The following CSF2RB variants were observed in gnomAD, a reference collection of about 807,000 sequenced individuals.
The protein encoded by CSF2RB is cytokine receptor common subunit beta.
Under a neutral mutation model 67.2 loss-of-function variants are expected in CSF2RB, and 22 were observed. The observed-to-expected ratio is 0.33, with a 90% confidence interval of 0.23 to 0.47. The LOEUF is 0.47. Ranked by LOEUF, CSF2RB falls within the 20% of genes least tolerant of loss-of-function variation. The probability of loss-of-function intolerance (pLI) is 1.00; values close to 1 mark genes in which losing one functional copy is unlikely to be tolerated. For synonymous variants in CSF2RB, 507 were observed against 482.9 expected, an observed-to-expected ratio of 1.05 and a Z score of -0.65; for missense variants, 1,113 against 1,174.5, an observed-to-expected ratio of 0.95 and a Z score of 0.76.
At position 36,916,705 on chromosome 22, in the gene CSF2RB, A is replaced by G. The variant is rs148143905; in HGVS notation, c.-173+3028A>G. Reference sequence around the variant, plus strand: ...AAACCCCATGTCTACTAAAAATACGAAAAATTAGCCGGGTTTGGTGGTGTG... The same window carrying G: ...AAACCCCATGTCTACTAAAAATACGGAAAATTAGCCGGGTTTGGTGGTGTG... On this transcript the variant is annotated intron_variant, in intron 1 of 13. Coordinates refer to ENST00000403662, the MANE Select transcript of CSF2RB (RefSeq NM_000395.3). Among the ~76,000 whole-genome samples the G allele has an allele frequency of 3.8e-3, 582 of 152,228 alleles. 3 individuals are homozygous for G. Among genetic ancestry groups the G allele is most frequent in the African/African-American group, 0.013 (559 of 41,536 alleles).
intron 8 of CSF2RB, 146 bp downstream of exon 8, chr22:36,930,976 A>G: frequency 9.7e-7 from 1 of 1,029,332 alleles, no homozygotes; most frequent in Middle Eastern, 2.7e-4. Flanking sequence ...AAAAGTGAAC[A>G]GAGAAGCAAT....
At chr22:36,934,921 A>T (rs1479233677) in intron 10 of CSF2RB, among the ~76,000 whole-genome samples, 1 of 152,128 alleles carries the variant, frequency 6.6e-6, no homozygotes, top group Non-Finnish European at 1.5e-5. Context: ...AGCAGGTGGG[A>T]TCAGGGGCCT....
rs1941171588 is a variant in CSF2RB, at chr22:36,932,635, G to A, written c.1013-130G>A. ...TGATATAGTGAAGTGGGGATGAAAA[G>A]GATCCAACCATGGGCAGAACCTGGG... On this transcript the variant is annotated intron_variant, in intron 8 of 13. Coordinates refer to ENST00000403662, the MANE Select transcript of CSF2RB (RefSeq NM_000395.3). 9.4e-6 allele frequency: 10 copies of A among 1,061,422 alleles called. No homozygotes were observed. The South Asian group carries it at 1.4e-4, about 14-fold the overall frequency. 65.8% of individuals were successfully genotyped at this position (1,061,422 alleles called of 1,614,324 possible). A position where few individuals can be genotyped will look rare whatever the true frequency, so the allele number is the denominator to read the frequency against.
chr22:36,921,897 G>T, intron 1 of CSF2RB, 139 bp from the exon 2 acceptor site: 1 of 513,464 alleles, frequency 1.9e-6, no homozygotes, highest in Non-Finnish European at 3.6e-6. Context: ...CACAGCGCAT[G>T]TCCATTGCCT....
chr22:36,937,527 G>C lies in CSF2RB; in HGVS notation c.1719G>C (p.Pro573=), dbSNP rs140662059. Residue 573 remains proline (P), a synonymous_variant, in exon 14 of 14, where the codon CCG becomes CCC. Coordinates refer to ENST00000403662, the MANE Select transcript of CSF2RB (RefSeq NM_000395.3). This position sits in a 1 kb window ranked among gnomAD's most constrained non-coding sequence, Gnocchi z 4.6. ...TEQPPSPQPG[P]PAASHTPEKQ... is the part of the protein sequence containing the mutation. Reference sequence around the variant, plus strand: ...AGCCCCCCAGCCCCCAGCCAGGCCCGCCTGCCGCCTCCCACACACCTGAGA... The same window carrying C: ...AGCCCCCCAGCCCCCAGCCAGGCCCCCCTGCCGCCTCCCACACACCTGAGA... 6.2e-7 allele frequency: 1 copy of C among 1,613,688 alleles called. No individual in the cohort carries two copies. Among genetic ancestry groups the C allele is most frequent in the Non-Finnish European group, 8.5e-7 (1 of 1,179,866 alleles).
In CSF2RB at chr22:36,938,507, C is replaced by G. The variant is rs758606144; in HGVS notation, c.*5C>G. 146 of 1,609,726 alleles carry G rather than the reference C, an allele frequency of 9.1e-5. 1 individual carries two copies. The South Asian group carries it at 9.9e-4, about 11-fold the overall frequency. On this transcript the variant is annotated 3_prime_UTR_variant, in exon 14 of 14. Coordinates refer to ENST00000403662, the MANE Select transcript of CSF2RB (RefSeq NM_000395.3). ...AAGCCTGGGGAGGTGTGTTGAGACC[C>G]CCAGGCCTAGACAGGCAAGGGGATG... is the stretch of plus-strand genomic sequence containing the variant.
At chr22:36,927,002 G>A (rs368733597) in intron 4 of CSF2RB, among the ~76,000 whole-genome samples, 47 of 152,138 alleles carry the variant, frequency 3.1e-4, no homozygotes, top group African/African-American at 1.1e-3. Context: ...CTGCTGAAAC[G>A]GAGACAGAGG....
intron 3 of CSF2RB, 59 bp from the exon 4 acceptor site, chr22:36,925,928 C>T (rs1231739239): frequency 6.3e-7 from 1 of 1,584,034 alleles, no homozygotes; most frequent in Non-Finnish European, 8.7e-7. Flanking sequence ...ACTCGAGGAA[C>T]CTTTCGTGAG....
chr22:36,932,911 G>T lies in CSF2RB; in HGVS notation c.1152+7G>T, dbSNP rs200479402. 13 of 1,613,944 alleles carry T rather than the reference G, an allele frequency of 8.1e-6. No individual in the cohort carries two copies. The highest frequency in any genetic ancestry group is 1.7e-5 in the Admixed American group (1 of 60,028). ...AGACACGGCCACGTGGAAGGTGAGG[G>T]CCTTTGCCCAGGGAGGGGAGAAACA... On this transcript the variant is annotated splice_region_variant and intron_variant, in intron 9 of 13. Coordinates refer to ENST00000403662, the MANE Select transcript of CSF2RB (RefSeq NM_000395.3).
intron 4 of CSF2RB, among the ~76,000 whole-genome samples, chr22:36,927,669 G>C (rs568601419): frequency 6.6e-6 from 1 of 152,308 alleles, no homozygotes; most frequent in East Asian, 1.9e-4. Context: ...GTCTCAGGTA[G>C]AGGGGACCCT....
chr22:36,939,060 C>A lies in CSF2RB; in HGVS notation c.*558C>A. On this transcript the variant is annotated 3_prime_UTR_variant, in exon 14 of 14. Coordinates refer to ENST00000403662, the MANE Select transcript of CSF2RB (RefSeq NM_000395.3). The stretch of plus-strand genomic sequence containing the variant: ...TGGAAGAGTGGCACAGGACTGGGCA[C>A]GCTCAGTGAGGCTCAGGGAATTCAG... The A allele has an allele frequency of 2.9e-6, 2 of 688,358 alleles. No homozygotes were observed. Among genetic ancestry groups the A allele is most frequent in the South Asian group, 1.5e-5 (1 of 64,542 alleles). The allele number at this position is 688,358 out of a possible 1,614,324, so 42.6% of individuals were successfully genotyped here.
chr22:36,939,015 C>A lies in CSF2RB; in HGVS notation c.*513C>A. On this transcript the variant is annotated 3_prime_UTR_variant, in exon 14 of 14. Transcript: ENST00000403662. Reference sequence around the variant, plus strand: ...GCAGAGGTGGGAGGCACCAGGTGGGCACCCGTGGGGGTTAGGGCTTGGAAG... The same window carrying A: ...GCAGAGGTGGGAGGCACCAGGTGGGAACCCGTGGGGGTTAGGGCTTGGAAG... 1 of 629,980 alleles carries A rather than the reference C, an allele frequency of 1.6e-6. No individual in the cohort carries two copies. The allele number at this position is 629,980 out of a possible 1,614,324, so 39.0% of individuals were successfully genotyped here. A position where few individuals can be genotyped will look rare whatever the true frequency, so the allele number is the denominator to read the frequency against.
intron 1 of CSF2RB, among the ~76,000 whole-genome samples, chr22:36,919,576 T>C (rs1371272150): frequency 6.6e-6 from 1 of 151,868 alleles, no homozygotes; most frequent in African/African-American, 2.4e-5. Context: ...TATTTTTTTT[T>C]TTTTTTGCGT....
Position 36,937,976 on chromosome 22 carries a change from C to G in CSF2RB, c.2168C>G (p.Ser723Ter). Reference protein sequence around the residue: ...SSADLVFTPNSGASSVSLVPS... With the variant: ...SSADLVFTPN ...GCAGACCTGGTATTCACCCCAAACT[C>G]AGGGGCCTCGTCTGTCTCCCTAGTT... is the stretch of plus-strand genomic sequence containing the variant. The change falls in exon 14 of 14, where the codon TCA becomes TGA. Residue 723 changes from serine (S) to a stop codon, truncating the protein, a stop_gained. Transcript: ENST00000403662. LOFTEE classifies it low-confidence loss of function (END_TRUNC). This position sits in a 1 kb window ranked among gnomAD's most constrained non-coding sequence, Gnocchi z 4.6. 1 of 1,614,158 alleles carries G rather than the reference C, an allele frequency of 6.2e-7. No homozygotes were observed.
rs1255592797 is a variant in CSF2RB, at chr22:36,927,712, T to C, written c.391+1535T>C. Among the ~76,000 whole-genome samples the C allele has an allele frequency of 4.6e-5, 7 of 152,222 alleles. No individual in the cohort carries two copies. The East Asian group carries it at 7.7e-4, about 17-fold the overall frequency. On this transcript the variant is annotated intron_variant, in intron 4 of 13. Transcript: ENST00000403662. ...TGGAGAGCACTGAGGGGAAATGACA[T>C]GATCAGATGTGGATGTGAGAATGCT... is the stretch of plus-strand genomic sequence containing the variant.
At chr22:36,935,866 G>A (rs1349220776) in intron 12 of CSF2RB, among the ~76,000 whole-genome samples, 179 bp downstream of exon 12, 1 of 152,286 alleles carries the variant, frequency 6.6e-6, no homozygotes, top group African/African-American at 2.4e-5. Context: ...GGATTCCCTG[G>A]AGTGCCCACA....
At chr22:36,923,816 A>G (rs1199822285) in intron 3 of CSF2RB, 4 of 1,286,158 alleles carry the variant, frequency 3.1e-6, no homozygotes, top group Non-Finnish European at 4.1e-6. Flanking sequence ...GAGGCCCTGG[A>G]GGTGAGGTGC....
rs1941105133 is a variant in CSF2RB, at chr22:36,929,660, A to C, written c.571A>C (p.Asn191His). 1 of 1,614,022 alleles carries C rather than the reference A, an allele frequency of 6.2e-7. No homozygotes were observed. Among genetic ancestry groups the C allele is most frequent in the South Asian group, 1.1e-5 (1 of 91,086 alleles). Residue 191 changes from asparagine to histidine, a missense_variant, in exon 6 of 14, where the codon AAC (asparagine) becomes CAC (histidine). Around this residue, in one of 2 missense-constraint regions of CSF2RB, gnomAD observed 559 missense variants for 656.5 expected, o/e 0.85. Coordinates refer to ENST00000403662, the MANE Select transcript of CSF2RB (RefSeq NM_000395.3). ...ACAGGACGCAGCCATCCTCCTCTCC[A>C]ACACCTCCCAGGCCACCCTGGGGCC... ...SWEDAAILLSNTSQATLGPEH... is the reference protein window; with the variant it reads ...SWEDAAILLSHTSQATLGPEH...
intron 1 of CSF2RB, among the ~76,000 whole-genome samples, chr22:36,920,638 T>C (rs907021086): frequency 8.5e-5 from 13 of 152,252 alleles, no homozygotes; most frequent in African/African-American, 2.4e-5. Context: ...TTTCCTTTTA[T>C]GGTTCAGTCA....
Sources: gnomAD v4.1 joint callset for allele counts (sites outside exome capture counted in the v4.1 genomes callset) on GRCh38, gnomAD v4.1.1 for gene constraint, gnomAD v4.1.1 regional missense constraint, Gnocchi (gnomAD v3.1) non-coding constraint, MANE v1.5 for transcripts, NCBI Gene and HGNC (gene_info 2026-07-23, HGNC 2026-07-21) for gene names.